The following WDR19 variants were observed in gnomAD, a reference collection of about 807,000 sequenced individuals.
WDR19 encodes the protein WD repeat domain 19, also known as WD repeat-containing protein 19.
A neutral mutation model predicts 180.0 loss-of-function variants in WDR19; 121 were observed. The observed-to-expected ratio is 0.67, with a 90% CI of 0.58 to 0.78. The LOEUF (loss-of-function observed/expected upper bound fraction) is 0.78, where lower values mean the gene tolerates loss of function less well. WDR19 is among the 30% of genes least tolerant of loss of function. The pLI is 0.00. For missense variants in WDR19, 1,450 were observed against 1,640.7 expected, an observed-to-expected ratio of 0.88 and a Z score of 2.01; for synonymous variants, 497 against 540.7, an observed-to-expected ratio of 0.92 and a Z score of 1.12.
intron 14 of WDR19, among the ~76,000 whole-genome samples, chr4:39,222,328 A>G (rs1317712162): frequency 6.6e-6 from 1 of 152,170 alleles, no homozygotes; most frequent in Non-Finnish European, 1.5e-5. Flanking sequence ...TATCAGATGT[A>G]TGCTTTGCAA....
chr4:39,272,601 G>A (rs1204081511), intron 31 of WDR19, among the ~76,000 whole-genome samples: 1 of 152,212 alleles, frequency 6.6e-6, no homozygotes, highest in Non-Finnish European at 1.5e-5. Flanking sequence ...GCACAGACAC[G>A]GCGCCTTTCC....
Position 39,214,645 on chromosome 4 carries a change from T to C in WDR19, c.935T>C (p.Ile312Thr), listed in dbSNP as rs886059396. 1 of 1,587,426 alleles carries C rather than the reference T, an allele frequency of 6.3e-7. No individual in the cohort carries two copies. Among genetic ancestry groups the C allele is most frequent in the Non-Finnish European group, 8.6e-7 (1 of 1,163,726 alleles). ...DLVDLKDMYVILNLDEENKGL... is the reference protein window; with the variant it reads ...DLVDLKDMYVTLNLDEENKGL... ...GTTGACTTAAAAGACATGTATGTTATACTCAACCTGGATGAGGAAAATAAA... is the reference window on the plus strand; with the variant it reads ...GTTGACTTAAAAGACATGTATGTTACACTCAACCTGGATGAGGAAAATAAA... Residue 312 changes from isoleucine to threonine, a missense_variant, in exon 10 of 37, where the codon ATA becomes ACA. By Grantham distance (89) the Ile-to-Thr change is moderately conservative. Coordinates refer to ENST00000399820, the MANE Select transcript of WDR19 (RefSeq NM_025132.4).
chr4:39,262,896 TC>T (rs1245992620), intron 28 of WDR19, among the ~76,000 whole-genome samples: 2 of 151,994 alleles, frequency 1.3e-5, no homozygotes, highest in African/African-American at 4.8e-5. Context: ...TCCTTCCCAA[TC>T]CTCCATTTCT....
At chr4:39,213,302 T>G (rs567771571) in intron 9 of WDR19, among the ~76,000 whole-genome samples, 45 of 152,334 alleles carry the variant, frequency 3.0e-4, no homozygotes, top group African/African-American at 9.4e-4. Context: ...TATAGCAACT[T>G]TATTTGTAAT....
chr4:39,202,691 T>TA (rs34128337), intron 6 of WDR19, among the ~76,000 whole-genome samples: 67,270 of 149,626 alleles, frequency 0.45, 18,015 homozygotes, highest in East Asian at 0.62. Context: ...CATATGCACT[T>TA]AAAAAAAAAA....
chr4:39,283,653 A>G (rs1323856195), intron 36 of WDR19, among the ~76,000 whole-genome samples: 1 of 152,022 alleles, frequency 6.6e-6, no homozygotes, highest in African/African-American at 2.4e-5. Flanking sequence ...CTGTAATACA[A>G]TGATATAATT....
intron 9 of WDR19, among the ~76,000 whole-genome samples, chr4:39,209,955 C>G (rs1383152824): frequency 2.6e-5 from 4 of 152,084 alleles, no homozygotes; most frequent in African/African-American, 9.7e-5. Context: ...AAACTGCAAA[C>G]TACCAAAACT....
intron 20 of WDR19, among the ~76,000 whole-genome samples, chr4:39,239,372 A>G (rs1025862729): frequency 1.1e-4 from 16 of 151,896 alleles, no homozygotes; most frequent in Admixed American, 2.6e-4. Flanking sequence ...TTCCACTTCT[A>G]CCCTTTAATA....
chr4:39,255,673 C>G (rs200574624), intron 26 of WDR19, among the ~76,000 whole-genome samples, 175 bp from the exon 27 acceptor site: 1 of 152,106 alleles, frequency 6.6e-6, no homozygotes, highest in East Asian at 1.9e-4. Flanking sequence ...AACAGAGTTA[C>G]TATTTGGAGT....
intron 11 of WDR19, 26 bp from the exon 12 acceptor site, chr4:39,216,070 A>T: frequency 6.5e-7 from 1 of 1,542,244 alleles, no homozygotes; most frequent in Non-Finnish European, 8.7e-7. Context: ...TTAGCCGTTG[A>T]TTTATTACTA....
chr4:39,231,829 T>A lies in WDR19; in HGVS notation c.2015T>A (p.Leu672Gln). 2 of 1,599,684 alleles carry A rather than the reference T, an allele frequency of 1.3e-6. No homozygotes were observed. Among genetic ancestry groups the A allele is most frequent in the Non-Finnish European group, 8.6e-7 (1 of 1,168,144 alleles). ...FSDAWEMCRI[L>Q]NDEAAWNELA... ...GATGCTTGGGAAATGTGCAGGATTC[T>A]GAATGATGAGGCTGCCTGGAATGAG... The change falls in exon 18 of 37, where the codon CTG becomes CAG. Residue 672 changes from leucine (L) to glutamine (Q), a missense_variant. Transcript: ENST00000399820.
In WDR19 at chr4:39,182,543, G is replaced by T. The variant is rs150860929; in HGVS notation, c.-15G>T. 4.4e-3 allele frequency: 7,156 copies of T among 1,613,766 alleles called. 20 individuals carry two copies. The highest frequency in any genetic ancestry group is 0.01 in the Middle Eastern group (63 of 6,008). ...CTGCGTACTTCATAGTTCGCGTAGC[G>T]GCTCGAGCGTGGAGATGAAGGTAAA... On this transcript the variant is annotated 5_prime_UTR_variant, in exon 1 of 37. Coordinates refer to ENST00000399820, the MANE Select transcript of WDR19 (RefSeq NM_025132.4).
chr4:39,240,176 C>CT lies in WDR19; in HGVS notation c.2364-100dup, dbSNP rs1225193300. On this transcript the variant is annotated intron_variant, in intron 20 of 36. Transcript: ENST00000399820. Reference sequence around the variant, plus strand: ...TGGGCAACAGAGTGAGACCCTGTCTCTAAAAAAAAAAAAAAAAAAAAAAAA... The same window carrying CT: ...TGGGCAACAGAGTGAGACCCTGTCTCTTAAAAAAAAAAAAAAAAAAAAAAAA... 1.5e-5 allele frequency: 5 copies of CT among 333,296 alleles called. No homozygotes were observed. In the East Asian group the frequency reaches 3.5e-4, roughly 23 times the overall value. The allele number at this position is 333,296 out of a possible 1,614,324, so 20.6% of individuals were successfully genotyped here. A position where few individuals can be genotyped will look rare whatever the true frequency, so the allele number is the denominator to read the frequency against.
At chr4:39,280,532 G>A (rs1207996034) in intron 36 of WDR19, among the ~76,000 whole-genome samples, 2 of 151,578 alleles carry the variant, frequency 1.3e-5, no homozygotes, top group Non-Finnish European at 2.9e-5. Flanking sequence ...GCATACACCT[G>A]TAGTCCCCGC....
chr4:39,267,887 C>T, intron 29 of WDR19, 108 bp from the exon 30 acceptor site: 1 of 991,198 alleles, frequency 1.0e-6, no homozygotes, highest in Non-Finnish European at 1.5e-6. Context: ...AAAGCAATAT[C>T]AATTCTCAGT....
intron 6 of WDR19, among the ~76,000 whole-genome samples, chr4:39,203,032 T>C (rs1285925124): frequency 3.3e-5 from 5 of 152,048 alleles, no homozygotes; most frequent in African/African-American, 1.2e-4. Context: ...TGACCTAACA[T>C]ACACATTTGA....
chr4:39,231,668 A>C, intron 17 of WDR19, 129 bp from the exon 18 acceptor site: 1 of 727,572 alleles, frequency 1.4e-6, no homozygotes, highest in East Asian at 3.0e-5. Flanking sequence ...CTTGTAAATG[A>C]CAATTACAGG....
Position 39,205,663 on chromosome 4 carries a change from A to G in WDR19, c.817A>G (p.Asn273Asp), listed in dbSNP as rs375644378. ...ELGQEIFQARNHKDNLTSIAV... is the reference protein window; with the variant it reads ...ELGQEIFQARDHKDNLTSIAV... The stretch of plus-strand genomic sequence containing the variant: ...TGGTCAAGAGATATTTCAGGCTCGT[A>G]ACCATAAAGATAATCTAACCAGCAT... Residue 273 changes from asparagine to aspartate, a missense_variant, in exon 9 of 37, where the codon AAC becomes GAC. Transcript: ENST00000399820. 1.1e-4 allele frequency: 178 copies of G among 1,612,068 alleles called. No individual in the cohort carries two copies. The highest frequency in any genetic ancestry group is 1.5e-4 in the Non-Finnish European group (174 of 1,179,006).
intron 20 of WDR19, among the ~76,000 whole-genome samples, chr4:39,238,542 G>A (rs1451055998): frequency 1.3e-5 from 2 of 152,188 alleles, no homozygotes; most frequent in African/African-American, 4.8e-5. Flanking sequence ...TCCTGAGAAT[G>A]TCTCCTCCCT....
Sources: allele counts gnomAD v4.1 joint callset (sites outside exome capture counted in the v4.1 genomes callset), GRCh38; gene constraint gnomAD v4.1.1; transcripts MANE v1.5; gene names NCBI Gene and HGNC (gene_info 2026-07-23, HGNC 2026-07-21).